FAM171B: variants seen among roughly 807,000 people sequenced by gnomAD.
FAM171B encodes the protein family with sequence similarity 171 member B, also known as protein FAM171B.
A neutral mutation model predicts 75.6 loss-of-function variants in FAM171B; 19 were observed. That is an observed-to-expected ratio of 0.25 (90% CI 0.18 to 0.37). FAM171B has a LOEUF of 0.37. FAM171B is among the 10% of genes least tolerant of loss of function. The probability of loss-of-function intolerance (pLI) is 1.00; values close to 1 mark genes in which losing one functional copy is unlikely to be tolerated. For missense variants in FAM171B, 848 were observed against 982.4 expected (o/e 0.86, Z 1.83); for synonymous variants, 367 against 361.7 (o/e 1.01, Z -0.17).
At chr2:186,739,808 T>C in intron 1 of FAM171B, among the ~76,000 whole-genome samples, 1 of 152,346 alleles carries the variant, frequency 6.6e-6, no homozygotes, top group African/African-American at 2.4e-5. Flanking sequence ...ACGTAATCTA[T>C]TATCAAGTTT....
rs13026081 is a variant in FAM171B at position 186,761,611 on chromosome 2, C to T, written c.1269C>T (p.Asp423=). 0.28 allele frequency: 459,174 copies of T among 1,612,396 alleles called. 69,690 individuals carry two copies. Among genetic ancestry groups the T allele is most frequent in the Middle Eastern group, 0.34 (2,061 of 6,048 alleles). The change falls in exon 8 of 8, where the codon GAC becomes GAT. Residue 423 remains aspartate (D), a synonymous_variant. Transcript: ENST00000304698. ...STVKVALKAE[D]KSQLFNAKNS... ...TTAAAGTTGCATTAAAAGCTGAGGA[C>T]AAGTCGCAGTTATTCAATGCCAAAA... is the stretch of plus-strand genomic sequence containing the variant.
chr2:186,737,813 T>C (rs1690225953), intron 1 of FAM171B, among the ~76,000 whole-genome samples: 1 of 152,258 alleles, frequency 6.6e-6, no homozygotes, highest in South Asian at 2.1e-4. Flanking sequence ...TGACTACATT[T>C]GGAATGTGTT....
intron 1 of FAM171B, among the ~76,000 whole-genome samples, chr2:186,730,835 GTTT>G (rs992812875): frequency 1.3e-5 from 2 of 149,580 alleles, no homozygotes; most frequent in Non-Finnish European, 3.0e-5. Flanking sequence ...GGAATATGCA[GTTT>G]TTTTTTTCTT....
chr2:186,749,448 A>G (rs565003095), intron 4 of FAM171B, among the ~76,000 whole-genome samples: 1 of 152,346 alleles, frequency 6.6e-6, no homozygotes, highest in South Asian at 2.1e-4. Context: ...AACAATTTAT[A>G]TAACATTTGA....
At chr2:186,715,023 A>G (rs1414262210) in intron 1 of FAM171B, among the ~76,000 whole-genome samples, 1 of 152,216 alleles carries the variant, frequency 6.6e-6, no homozygotes, top group Non-Finnish European at 1.5e-5. Context: ...AACATCCAAT[A>G]ATTTAAAAAA....
At chr2:186,739,970 G>A (rs1027212352) in intron 1 of FAM171B, among the ~76,000 whole-genome samples, 3 of 152,012 alleles carry the variant, frequency 2.0e-5, no homozygotes, top group African/African-American at 7.2e-5. Context: ...ATTTTTTAGT[G>A]CCATCATAAT....
Position 186,747,113 on chromosome 2 carries a change from T to C in FAM171B, c.587T>C (p.Val196Ala). 6.3e-7 allele frequency: 1 copy of C among 1,596,770 alleles called. No individual in the cohort carries two copies. Among genetic ancestry groups the C allele is most frequent in the Non-Finnish European group, 8.5e-7 (1 of 1,173,416 alleles). ...KLADAKSQPS[V>A]QFSKALIKLP... is the part of the protein sequence containing the mutation. ...CCAGATGCCAAGTCTCAACCAAGTG[T>C]TCAGTTTTCAAAAGCCTTAATTAAA... Residue 196 changes from valine to alanine, a missense_variant, in exon 4 of 8, where the codon GTT becomes GCT. Physicochemically the swap from Val to Ala is moderately conservative, Grantham distance 64. Around this residue, in one of 3 missense-constraint regions of FAM171B, gnomAD observed 665 missense variants for 729.0 expected, o/e 0.91. Coordinates refer to ENST00000304698, the MANE Select transcript of FAM171B (RefSeq NM_177454.4).
chr2:186,716,560 A>G (rs1341972243), intron 1 of FAM171B, among the ~76,000 whole-genome samples: 1 of 152,182 alleles, frequency 6.6e-6, no homozygotes, highest in East Asian at 1.9e-4. Flanking sequence ...TTACTGCATA[A>G]TATTGCATTG....
intron 1 of FAM171B, among the ~76,000 whole-genome samples, chr2:186,715,720 C>G (rs1473953890): frequency 2.0e-5 from 3 of 152,060 alleles, no homozygotes; most frequent in African/African-American, 7.2e-5. Context: ...GCCTACATAA[C>G]AGAGGGTGGC....
intron 1 of FAM171B, among the ~76,000 whole-genome samples, chr2:186,721,890 G>GAA (rs879733444): frequency 1.5e-5 from 2 of 133,998 alleles, no homozygotes; most frequent in African/African-American, 2.7e-5. Context: ...GTAGTCATTT[G>GAA]AAAAAAAAAA....
In FAM171B at chr2:186,762,489, C is replaced by G. The variant is rs1448394830; in HGVS notation, c.2147C>G (p.Ser716Ter). The G allele has an allele frequency of 6.2e-7, 1 of 1,613,532 alleles. No homozygotes were observed. Among genetic ancestry groups the G allele is most frequent in the Non-Finnish European group, 8.5e-7 (1 of 1,179,746 alleles). ...GGGGTGGACATGAATGAGCTTCACT[C>G]AAGTAGAAAGCTCGAGAGGGAGAAA... is the stretch of plus-strand genomic sequence containing the variant. The part of the protein sequence containing the change: ...DSGVDMNELH[S>*]SRKLEREKTF... The change falls in exon 8 of 8, where the codon TCA (serine) becomes TGA (stop). Residue 716 changes from serine to a stop codon, truncating the protein, a stop_gained. Coordinates refer to ENST00000304698, the MANE Select transcript of FAM171B (RefSeq NM_177454.4). LOFTEE classifies it high-confidence loss of function. This position sits in a 1 kb window ranked among gnomAD's most constrained non-coding sequence, Gnocchi z 4.0.
chr2:186,759,308 G>T (rs1288523225), intron 6 of FAM171B, among the ~76,000 whole-genome samples: 1 of 152,126 alleles, frequency 6.6e-6, no homozygotes, highest in Non-Finnish European at 1.5e-5. Flanking sequence ...CTGGGTTAGG[G>T]TCTTCCCGAC....
rs1418518412 is a variant in FAM171B, at chr2:186,694,406, T to G, written c.233T>G (p.Val78Gly). ...EVPGATSTLT[V>G]PVSVFMLKVQ... ...CCTGGGGCAACCTCCACCTTGACGG[T>G]TCCAGGTAGGTCCTGGCTGCCCAGC... Residue 78 changes from valine to glycine, a missense_variant, in exon 1 of 8, where the codon GTT (valine) becomes GGT (glycine). Val to Gly is a moderately radical substitution (Grantham distance 109). Around this residue, in one of 3 missense-constraint regions of FAM171B, gnomAD observed 665 missense variants for 729.0 expected, o/e 0.91. Transcript: ENST00000304698. The G allele has an allele frequency of 6.2e-7, 1 of 1,611,744 alleles. No individual in the cohort carries two copies. Among genetic ancestry groups the G allele is most frequent in the Non-Finnish European group, 8.5e-7 (1 of 1,178,998 alleles).
At chr2:186,736,629 CTG>C (rs1690206517) in intron 1 of FAM171B, among the ~76,000 whole-genome samples, 1 of 116,314 alleles carries the variant, frequency 8.6e-6, no homozygotes, top group Non-Finnish European at 1.7e-5. Context: ...GTTTTAGACT[CTG>C]GAAGGGATCA....
At chr2:186,695,190 A>G (rs1011179989) in intron 1 of FAM171B, 22 of 152,332 alleles carry the variant, frequency 1.4e-4, no homozygotes, top group African/African-American at 5.1e-4. Context: ...CAGATTCTTG[A>G]CACTGTTCAG....
chr2:186,700,193 T>G (rs370299977), intron 1 of FAM171B, among the ~76,000 whole-genome samples: 66 of 152,244 alleles, frequency 4.3e-4, no homozygotes, highest in African/African-American at 1.4e-3. Flanking sequence ...TGATAGAGAT[T>G]CCATTGAATC....
intron 1 of FAM171B, among the ~76,000 whole-genome samples, chr2:186,717,537 T>C (rs982524478): frequency 4.6e-5 from 7 of 152,200 alleles, no homozygotes; most frequent in African/African-American, 7.2e-5. Flanking sequence ...TCTACTGTAA[T>C]GGATGCTTCT....
At chr2:186,753,876 A>G in intron 5 of FAM171B, 57 bp from the exon 6 acceptor site, 1 of 1,327,378 alleles carries the variant, frequency 7.5e-7, no homozygotes. Context: ...TATTCTGTGC[A>G]TGACCATCAG....
At chr2:186,704,604 G>C (rs1404727545) in intron 1 of FAM171B, among the ~76,000 whole-genome samples, 1 of 152,120 alleles carries the variant, frequency 6.6e-6, no homozygotes, top group Non-Finnish European at 1.5e-5. Context: ...TCATAAAACT[G>C]TTAGTTAAAG....
Sources: gnomAD v4.1 joint callset for allele counts (sites outside exome capture counted in the v4.1 genomes callset) on GRCh38, gnomAD v4.1.1 for gene constraint, gnomAD v4.1.1 regional missense constraint, Gnocchi (gnomAD v3.1) non-coding constraint, MANE v1.5 for transcripts, NCBI Gene and HGNC (gene_info 2026-07-23, HGNC 2026-07-21) for gene names.